Variants in MTTP observed in about 807,000 individuals in gnomAD.
MTTP encodes the protein microsomal triglyceride transfer protein large subunit.
A neutral mutation model predicts 90.6 loss-of-function variants in MTTP; 49 were observed. The ratio of observed to expected loss-of-function variants is 0.54; its 90% CI spans 0.43 to 0.69. The LOEUF is 0.69. Ranked by LOEUF, MTTP falls within the 30% of genes least tolerant of loss-of-function variation. The probability of loss-of-function intolerance (pLI) is 0.00; values close to 1 mark genes in which losing one functional copy is unlikely to be tolerated. For synonymous variants in MTTP, 347 were observed against 384.2 expected, an observed-to-expected ratio of 0.90 and a Z score of 1.13; for missense variants, 945 against 1,067.5, an observed-to-expected ratio of 0.89 and a Z score of 1.60.
intron 6 of MTTP, among the ~76,000 whole-genome samples, chr4:99,592,003 T>C (rs543950486): frequency 4.6e-5 from 7 of 152,244 alleles, no homozygotes; most frequent in African/African-American, 1.2e-4. Context: ...CTAGATGGCA[T>C]AGCCTACACT....
chr4:99,591,499 A>T, intron 5 of MTTP, 148 bp downstream of exon 5: 1 of 1,077,468 alleles, frequency 9.3e-7, no homozygotes, highest in Non-Finnish European at 1.4e-6. Context: ...TATGTAATGA[A>T]TAGACCCATT....
chr4:99,621,371 G>T (rs1726227951), intron 17 of MTTP, 140 bp downstream of exon 17: 11 of 1,133,408 alleles, frequency 9.7e-6, no homozygotes, highest in Non-Finnish European at 1.4e-5. Flanking sequence ...TAAATGAGTA[G>T]AAGAATAATT....
chr4:99,570,847 C>A (rs947129630), upstream of MTTP: 2 of 449,026 alleles, frequency 4.5e-6, no homozygotes, highest in African/African-American at 4.0e-5. Context: ...ATGCAGGTAG[C>A]TTCTAGAAGC....
At chr4:99,604,483 C>A (rs1725767748) in intron 10 of MTTP, among the ~76,000 whole-genome samples, 1 of 152,120 alleles carries the variant, frequency 6.6e-6, no homozygotes, top group South Asian at 2.1e-4. Flanking sequence ...ATTCCATGAA[C>A]ACCCAGATAT....
At chr4:99,620,873 T>C (rs1726212271) in intron 16 of MTTP, 188 bp from the exon 17 acceptor site, 1 of 606,634 alleles carries the variant, frequency 1.6e-6, no homozygotes, top group Non-Finnish European at 2.9e-6. Flanking sequence ...CCCTGCCCAA[T>C]ATCTGAGACT....
intron 14 of MTTP, among the ~76,000 whole-genome samples, chr4:99,612,683 G>C (rs1486376521): frequency 6.6e-6 from 1 of 152,080 alleles, no homozygotes. Context: ...CTACAAAATG[G>C]GTAATATCAT....
At chr4:99,582,672 A>G (rs1019755147) in intron 2 of MTTP, among the ~76,000 whole-genome samples, 3 of 152,138 alleles carry the variant, frequency 2.0e-5, no homozygotes, top group Non-Finnish European at 2.9e-5. Flanking sequence ...TGATTCCCTT[A>G]TTTGCTTCTC....
chr4:99,617,945 A>C (rs949279546), intron 15 of MTTP, among the ~76,000 whole-genome samples: 1 of 152,178 alleles, frequency 6.6e-6, no homozygotes, highest in African/African-American at 2.4e-5. Flanking sequence ...TTCTAGTTGG[A>C]TGTAGGCAAT....
chr4:99,595,162 T>G (rs1725524452), intron 7 of MTTP, among the ~76,000 whole-genome samples: 1 of 152,168 alleles, frequency 6.6e-6, no homozygotes, highest in South Asian at 2.1e-4. Context: ...GAGGGCTTAA[T>G]GAAGTTAGGG....
chr4:99,581,767 G>C, intron 1 of MTTP, 138 bp from the exon 2 acceptor site: 2 of 825,290 alleles, frequency 2.4e-6, no homozygotes, highest in Non-Finnish European at 4.1e-6. Context: ...GATTTCAGCA[G>C]ATGAAGTAGC....
intron 11 of MTTP, among the ~76,000 whole-genome samples, chr4:99,607,733 C>T (rs545162360): frequency 1.2e-3 from 177 of 152,248 alleles, no homozygotes; most frequent in Non-Finnish European, 2.1e-3. Flanking sequence ...TATTTTGGCA[C>T]GTTTTCTTCG....
chr4:99,611,406 C>T lies in MTTP; in HGVS notation c.1942C>T (p.Leu648=). 6.2e-7 allele frequency: 1 copy of T among 1,614,066 alleles called. No individual in the cohort carries two copies. Among genetic ancestry groups the T allele is most frequent in the Non-Finnish European group, 8.5e-7 (1 of 1,179,944 alleles). Reference sequence around the variant, plus strand: ...TTCTGGCATTCTAAGGAGAAGTAACCTGAACATCTTTCAGTACATTGGGAA... The same window carrying T: ...TTCTGGCATTCTAAGGAGAAGTAACTTGAACATCTTTCAGTACATTGGGAA... The part of the protein sequence containing the change: ...SGSGILRRSN[L]NIFQYIGKAG... Residue 648 remains leucine (L), a synonymous_variant, in exon 14 of 18, where the codon CTG becomes TTG. Coordinates refer to ENST00000265517, the MANE Select transcript of MTTP (RefSeq NM_001386140.1).
intron 12 of MTTP, 137 bp downstream of exon 12, chr4:99,609,114 A>T: frequency 1.2e-6 from 1 of 845,716 alleles, no homozygotes; most frequent in Non-Finnish European, 1.9e-6. Flanking sequence ...CAGATTTCCC[A>T]TAATAGGGCT....
chr4:99,589,870 G>A, intron 4 of MTTP, 120 bp downstream of exon 4: 1 of 728,486 alleles, frequency 1.4e-6, no homozygotes, highest in Non-Finnish European at 2.4e-6. Flanking sequence ...GACTTGTGTA[G>A]TGAAGTCGCA....
intron 1 of MTTP, among the ~76,000 whole-genome samples, chr4:99,579,814 G>C (rs1486181054): frequency 6.6e-6 from 1 of 151,920 alleles, no homozygotes; most frequent in African/African-American, 2.4e-5. Context: ...GAGGTGGGTG[G>C]ATTGCTTGAG....
upstream of MTTP, chr4:99,574,755 G>A: frequency 6.5e-7 from 1 of 1,547,458 alleles, no homozygotes; most frequent in Non-Finnish European, 8.8e-7. Context: ...CTTAGGTCCT[G>A]ATTTTGGAGT....
intron 1 of MTTP, 50 bp downstream of exon 1, chr4:99,575,020 G>C (rs1724922599): frequency 3.8e-6 from 6 of 1,591,436 alleles, no homozygotes; most frequent in Non-Finnish European, 4.3e-6. Flanking sequence ...CTTTGGAGTT[G>C]GAGGCAGATA....
At chr4:99,584,744 C>T (rs1402475567) in intron 3 of MTTP, among the ~76,000 whole-genome samples, 1 of 149,482 alleles carries the variant, frequency 6.7e-6, no homozygotes, top group Non-Finnish European at 1.5e-5. Flanking sequence ...ACTCATGACC[C>T]TTATCACTTT....
At chr4:99,565,446 C>T (rs990995825) in intron 1 of MTTP, among the ~76,000 whole-genome samples, 4 of 152,086 alleles carry the variant, frequency 2.6e-5, no homozygotes, top group African/African-American at 9.7e-5. Flanking sequence ...CAGCAAAAGT[C>T]AATTTAACAA....
Sources: allele counts gnomAD v4.1 joint callset (sites outside exome capture counted in the v4.1 genomes callset), GRCh38; gene constraint gnomAD v4.1.1; transcripts MANE v1.5; gene names NCBI Gene and HGNC (gene_info 2026-07-23, HGNC 2026-07-21).